The following CDIN1 variants were observed in gnomAD, a reference collection of about 807,000 sequenced individuals.
The protein encoded by CDIN1 is CDAN1 interacting nuclease 1.
In CDIN1, 33 loss-of-function variants were observed where a neutral mutation model predicts 45.3. That is an observed-to-expected ratio of 0.73 (90% CI 0.55 to 0.97). CDIN1 has a LOEUF of 0.97. Among genes scored for constraint, CDIN1 ranks in the 50% least tolerant of loss-of-function variants. CDIN1 has a pLI of 0.00. For synonymous variants in CDIN1, 118 were observed against 124.4 expected, an observed-to-expected ratio of 0.95 and a Z score of 0.34; for missense variants, 303 against 339.4, an observed-to-expected ratio of 0.89 and a Z score of 0.84.
intron 5 of CDIN1, among the ~76,000 whole-genome samples, chr15:36,676,922 C>A (rs777098063): frequency 1.3e-5 from 2 of 152,130 alleles, no homozygotes; most frequent in Non-Finnish European, 2.9e-5. Flanking sequence ...TACTATATAA[C>A]TGTTAACAAC....
intron 4 of CDIN1, 50 bp downstream of exon 4, chr15:36,654,208 C>A: frequency 7.0e-7 from 1 of 1,422,412 alleles, no homozygotes; most frequent in Non-Finnish European, 9.7e-7. Context: ...ACCTAAGGGG[C>A]CTATCTAGAG....
intron 10 of CDIN1, among the ~76,000 whole-genome samples, chr15:36,741,358 T>G (rs1427569206): frequency 6.6e-6 from 1 of 152,158 alleles, no homozygotes; most frequent in Non-Finnish European, 1.5e-5. Flanking sequence ...CTGGAGTATT[T>G]CCAACTAGTT....
intron 1 of CDIN1, among the ~76,000 whole-genome samples, chr15:36,628,899 T>C (rs1326391444): frequency 6.6e-6 from 1 of 152,166 alleles, no homozygotes; most frequent in Non-Finnish European, 1.5e-5. Context: ...ACATGCATCC[T>C]GAGAAGAGCA....
chr15:36,737,512 A>C (rs2044075534), intron 10 of CDIN1, among the ~76,000 whole-genome samples: 1 of 152,146 alleles, frequency 6.6e-6, no homozygotes, highest in Non-Finnish European at 1.5e-5. Flanking sequence ...AAGAATTATG[A>C]GGCTTTTGTG....
intron 1 of CDIN1, chr15:36,618,077 C>G (rs1352616742): frequency 1.3e-5 from 10 of 745,642 alleles, no homozygotes; most frequent in Non-Finnish European, 2.2e-5. Flanking sequence ...GTCTCCAAAT[C>G]CTACACCTTA....
chr15:36,715,686 T>C (rs1595510162), intron 10 of CDIN1, among the ~76,000 whole-genome samples: 1 of 152,332 alleles, frequency 6.6e-6, no homozygotes. Flanking sequence ...GCAAATGCTC[T>C]GAAGGGGGCT....
At chr15:36,761,904 C>G (rs1475979215) in intron 10 of CDIN1, among the ~76,000 whole-genome samples, 1 of 152,144 alleles carries the variant, frequency 6.6e-6, no homozygotes, top group Non-Finnish European at 1.5e-5. Flanking sequence ...TTGCAAATGA[C>G]TAACACTAAT....
In CDIN1 at chr15:36,808,383, G is replaced by T. The variant is rs753380905; in HGVS notation, c.776G>T (p.Arg259Leu). 6 of 1,613,584 alleles carry T rather than the reference G, an allele frequency of 3.7e-6. No individual in the cohort carries two copies. Among genetic ancestry groups the T allele is most frequent in the Non-Finnish European group, 5.1e-6 (6 of 1,179,640 alleles). ...YGFIQELDCN[R>L]ERGILLKACF... ...TTTATCCAGGAGCTGGACTGCAACC[G>T]GGAAAGGGGCATCCTGCTCAAAGCC... Residue 259 changes from arginine (R) to leucine (L), a missense_variant, in exon 11 of 11, where the codon CGG (arginine) becomes CTG (leucine). Arg to Leu is a moderately radical substitution (Grantham distance 102). Transcript: ENST00000566621.
intron 10 of CDIN1, among the ~76,000 whole-genome samples, chr15:36,792,272 G>A (rs897660151): frequency 1.3e-5 from 2 of 152,086 alleles, no homozygotes; most frequent in Non-Finnish European, 2.9e-5. Context: ...TCAGAGCATC[G>A]AAGTGTAGCT....
rs558088223 is a variant in CDIN1, at chr15:36,727,025, T to A, written c.716+17064T>A. On this transcript the variant is annotated intron_variant, in intron 10 of 10. Coordinates refer to ENST00000566621, the MANE Select transcript of CDIN1 (RefSeq NM_001321759.2). Reference sequence around the variant, plus strand: ...TGTTGTTTTGCCAGGTTCCTGGCCTTCTTTTATAAATTCTTAGTAAAATTT... The same window carrying A: ...TGTTGTTTTGCCAGGTTCCTGGCCTACTTTTATAAATTCTTAGTAAAATTT... Among the ~76,000 whole-genome samples the A allele has an allele frequency of 6.0e-4, 92 of 152,296 alleles. No homozygotes were observed. The Middle Eastern group carries it at 0.014, about 23-fold the overall frequency.
chr15:36,794,968 C>T (rs1234108492), intron 10 of CDIN1, among the ~76,000 whole-genome samples: 3 of 152,136 alleles, frequency 2.0e-5, no homozygotes, highest in Admixed American at 6.5e-5. Flanking sequence ...AGAATAAAGC[C>T]ATGTCATTTG....
chr15:36,666,343 G>A (rs1485460838), intron 5 of CDIN1, among the ~76,000 whole-genome samples: 1 of 152,038 alleles, frequency 6.6e-6, no homozygotes, highest in African/African-American at 2.4e-5. Flanking sequence ...TATTTTCAGG[G>A]GATTTTACAG....
At chr15:36,682,767 C>CAAA (rs10706117) in intron 5 of CDIN1, among the ~76,000 whole-genome samples, 3 of 61,382 alleles carry the variant, frequency 4.9e-5, no homozygotes, top group Non-Finnish European at 6.5e-5. Flanking sequence ...AAGACCCTGC[C>CAAA]AAAAAAAAAA....
intron 5 of CDIN1, among the ~76,000 whole-genome samples, chr15:36,669,334 T>C (rs1001464824): frequency 2.6e-5 from 4 of 152,076 alleles, no homozygotes; most frequent in Admixed American, 2.0e-4. Flanking sequence ...GTAACAGGGG[T>C]TGATGTTTTT....
At chr15:36,703,317 TATAC>T in intron 8 of CDIN1, among the ~76,000 whole-genome samples, 1 of 133,984 alleles carries the variant, frequency 7.5e-6, no homozygotes, top group African/African-American at 3.0e-5. Flanking sequence ...CTATCAGATA[TATAC>T]ATATATCAGA....
chr15:36,642,876 G>A (rs1008136712), intron 1 of CDIN1, among the ~76,000 whole-genome samples: 3 of 152,080 alleles, frequency 2.0e-5, no homozygotes, highest in Non-Finnish European at 2.9e-5. Context: ...TCTATTTATG[G>A]CACATAAATA....
intron 10 of CDIN1, among the ~76,000 whole-genome samples, chr15:36,729,455 T>C (rs1427309979): frequency 1.3e-5 from 2 of 152,194 alleles, no homozygotes; most frequent in Admixed American, 1.3e-4. Flanking sequence ...CTGTGTTCTT[T>C]CTAGCCTGTC....
intron 1 of CDIN1, chr15:36,614,268 C>A: frequency 1.7e-6 from 1 of 597,700 alleles, no homozygotes; most frequent in Non-Finnish European, 3.2e-6. Context: ...CCAGCCTGCC[C>A]GAAGCTGACC....
At position 36,774,166 on chromosome 15, in the gene CDIN1, G is replaced by GCGCA. The variant is rs1555407099; in HGVS notation, c.717-34155_717-34154insACGC. On this transcript the variant is annotated intron_variant, in intron 10 of 10. Coordinates refer to ENST00000566621, the MANE Select transcript of CDIN1 (RefSeq NM_001321759.2). ...TGTGTGTGTGTGTGTGTGTGTGTGC[G>GCGCA]CGCGCGCGCATGCATGAGGGGAGAC... Among the ~76,000 whole-genome samples the GCGCA allele has an allele frequency of 1.7e-4, 26 of 149,492 alleles. No homozygotes were observed. In the South Asian group the frequency reaches 3.3e-3, roughly 19 times the overall value.
Sources: gnomAD v4.1 joint callset for allele counts (sites outside exome capture counted in the v4.1 genomes callset) on GRCh38, gnomAD v4.1.1 for gene constraint, MANE v1.5 for transcripts, NCBI Gene and HGNC (gene_info 2026-07-23, HGNC 2026-07-21) for gene names.